Variants in DTL observed in about 807,000 individuals in gnomAD.
DTL encodes the protein denticleless E3 ubiquitin protein ligase adapter.
A neutral mutation model predicts 87.0 loss-of-function variants in DTL; 46 were observed. The ratio of observed to expected loss-of-function variants is 0.53; its 90% CI spans 0.42 to 0.68. The LOEUF is 0.68. Among genes scored for constraint, DTL ranks in the 30% least tolerant of loss-of-function variants. The pLI, the probability that DTL is intolerant of heterozygous loss-of-function variation, is 0.00. For missense variants in DTL, 737 were observed against 869.4 expected (o/e 0.85, Z 1.91); for synonymous variants, 308 against 311.2 (o/e 0.99, Z 0.11).
chr1:212,093,569 T>A (rs569097641), intron 13 of DTL, among the ~76,000 whole-genome samples: 1 of 152,344 alleles, frequency 6.6e-6, no homozygotes, highest in East Asian at 1.9e-4. Context: ...CTCCTCCGAC[T>A]GCCCCGACCA....
In DTL at chr1:212,035,917, G is replaced by T. The variant is rs1199549446; in HGVS notation, c.27G>T (p.Gln9His). The change falls in exon 1 of 15, where the codon CAG (glutamine) becomes CAT (histidine). Residue 9 changes from glutamine to histidine, a missense_variant. Gln to His is a conservative substitution (Grantham distance 24). Coordinates refer to ENST00000366991, the MANE Select transcript of DTL (RefSeq NM_016448.4). MLFNSVLR[Q>H]PQLGVLRNGW... is the part of the protein sequence containing the mutation. ...TGCTCTTCAATTCGGTGCTCCGCCA[G>T]CCCCAGCTTGGCGTCCTGAGAAATG... 6.2e-7 allele frequency: 1 copy of T among 1,614,164 alleles called. No individual in the cohort carries two copies. The highest frequency in any genetic ancestry group is 8.5e-7 in the Non-Finnish European group (1 of 1,180,020).
intron 7 of DTL, among the ~76,000 whole-genome samples, chr1:212,065,984 G>A (rs769037545): frequency 6.6e-6 from 1 of 152,126 alleles, no homozygotes; most frequent in African/African-American, 2.4e-5. Flanking sequence ...GAGCCACCAC[G>A]CCTGGCCAGC....
chr1:212,039,323 G>T (rs192120052), intron 1 of DTL, among the ~76,000 whole-genome samples: 3 of 152,178 alleles, frequency 2.0e-5, no homozygotes, highest in African/African-American at 7.2e-5. Context: ...CTTTATTGAA[G>T]GAATTATTTA....
chr1:212,049,380 CTT>C (rs1309223722), intron 5 of DTL, among the ~76,000 whole-genome samples: 2 of 152,296 alleles, frequency 1.3e-5, no homozygotes, highest in South Asian at 2.1e-4. Context: ...TTTCTACACT[CTT>C]GTGTCATAGT....
In DTL at chr1:212,072,345, G is replaced by T. The variant is rs1349422111; in HGVS notation, c.1035+132G>T. Reference sequence around the variant, plus strand: ...CTGCATCAGATATTTAGTAAAGGTTGCTCTTGGCTCTTAATATAGCTGAAA... The same window carrying T: ...CTGCATCAGATATTTAGTAAAGGTTTCTCTTGGCTCTTAATATAGCTGAAA... On this transcript the variant is annotated intron_variant, in intron 11 of 14. Transcript: ENST00000366991. The T allele has an allele frequency of 2.9e-5, 20 of 684,694 alleles. No homozygotes were observed. In the Admixed American group the frequency reaches 3.7e-4, roughly 13 times the overall value. 42.4% of individuals were successfully genotyped at this position (684,694 alleles called of 1,614,324 possible). A position where few individuals can be genotyped will look rare whatever the true frequency, so the allele number is the denominator to read the frequency against.
At chr1:212,067,971 G>T (rs565384619) in intron 8 of DTL, among the ~76,000 whole-genome samples, 2 of 152,054 alleles carry the variant, frequency 1.3e-5, no homozygotes, top group Non-Finnish European at 2.9e-5. Context: ...TTCCTTTTCC[G>T]TTCTCTTAGA....
intron 13 of DTL, among the ~76,000 whole-genome samples, chr1:212,091,590 G>T (rs1571980252): frequency 6.6e-6 from 1 of 152,118 alleles, no homozygotes; most frequent in African/African-American, 2.4e-5. Context: ...TATACACAAT[G>T]GACTACTATT....
intron 5 of DTL, among the ~76,000 whole-genome samples, chr1:212,059,377 A>G (rs1668270952): frequency 6.6e-6 from 1 of 152,022 alleles, no homozygotes; most frequent in Admixed American, 6.6e-5. Context: ...AGACAAATCA[A>G]TAAACATGAT....
chr1:212,043,222 G>T, intron 2 of DTL, 104 bp downstream of exon 2: 1 of 1,209,110 alleles, frequency 8.3e-7, no homozygotes, highest in Non-Finnish European at 1.1e-6. Flanking sequence ...AAGTAAATTA[G>T]GTGGATGTTA....
At position 212,044,980 on chromosome 1, in the gene DTL, A is replaced by G. The variant is rs140258076; in HGVS notation, c.277+222A>G. Among the ~76,000 whole-genome samples, 34 of 152,342 alleles carry G rather than the reference A, an allele frequency of 2.2e-4. 1 individual carries two copies. The highest frequency in any genetic ancestry group is 7.9e-4 in the African/African-American group (33 of 41,580). On this transcript the variant is annotated intron_variant, in intron 3 of 14. Coordinates refer to ENST00000366991, the MANE Select transcript of DTL (RefSeq NM_016448.4). ...GCCTCAGGCTGCCCCCACTCCTGGC[A>G]GAAGGCAAAGAGGAGCCCATGAATA...
At chr1:212,066,397 G>T (rs1400310806) in intron 7 of DTL, among the ~76,000 whole-genome samples, 2 of 152,044 alleles carry the variant, frequency 1.3e-5, no homozygotes, top group Non-Finnish European at 2.9e-5. Flanking sequence ...CTTTTTCAGG[G>T]CATGAAATAA....
intron 5 of DTL, among the ~76,000 whole-genome samples, chr1:212,047,743 C>T (rs529950629): frequency 4.0e-4 from 61 of 152,272 alleles, no homozygotes; most frequent in African/African-American, 1.4e-3. Flanking sequence ...ACCATGTTGG[C>T]CAGGCTGGTC....
At chr1:212,056,687 A>G (rs552980179) in intron 5 of DTL, among the ~76,000 whole-genome samples, 1 of 152,304 alleles carries the variant, frequency 6.6e-6, no homozygotes, top group Admixed American at 6.5e-5. Context: ...GATCCAACAT[A>G]CTGATACTAA....
rs1391290920 is a variant in DTL, at chr1:212,103,121, A to G, written c.*181A>G. On this transcript the variant is annotated 3_prime_UTR_variant, in exon 15 of 15. Transcript: ENST00000366991. ...ATGTACCTAATCTGGTTCTACTACC[A>G]TAATGTATATGCAGCTTCCCGAGGA... 6.9e-6 allele frequency: 3 copies of G among 437,010 alleles called. No homozygotes were observed. The highest frequency in any genetic ancestry group is 4.1e-5 in the Admixed American group (1 of 24,208). 27.1% of individuals were successfully genotyped at this position (437,010 alleles called of 1,614,324 possible). A position where few individuals can be genotyped will look rare whatever the true frequency, so the allele number is the denominator to read the frequency against.
At chr1:212,089,753 A>G (rs1483488572) in intron 13 of DTL, among the ~76,000 whole-genome samples, 1 of 152,344 alleles carries the variant, frequency 6.6e-6, no homozygotes, top group East Asian at 1.9e-4. Context: ...GAAATGCCCC[A>G]ACTTTCCAAC....
chr1:212,102,723 G>A (rs1655659998), intron 14 of DTL, 119 bp from the exon 15 acceptor site: 1 of 656,686 alleles, frequency 1.5e-6, no homozygotes, highest in Admixed American at 2.8e-5. Flanking sequence ...AGTATTTGGA[G>A]CTGAAAGCAG....
At chr1:212,082,850 G>A (rs1216137293) in intron 13 of DTL, among the ~76,000 whole-genome samples, 4 of 152,206 alleles carry the variant, frequency 2.6e-5, no homozygotes, top group Admixed American at 2.6e-4. Context: ...GGCTTCAAGA[G>A]TCAACTTGAG....
rs1014784834 is a variant in DTL at position 212,043,440 on chromosome 1, T to C, written c.178+322T>C. Among the ~76,000 whole-genome samples the C allele has an allele frequency of 3.4e-4, 52 of 152,196 alleles. 1 individual carries two copies. The highest frequency in any genetic ancestry group is 3.3e-4 in the Admixed American group (5 of 15,284). The stretch of plus-strand genomic sequence containing the variant: ...ATACATACCCTTTGATCTGGTTGAA[T>C]GTATCTTTCTGTGACTCATTGGGGA... On this transcript the variant is annotated intron_variant, in intron 2 of 14. Transcript: ENST00000366991.
chr1:212,052,858 C>T (rs1216253795), intron 5 of DTL, among the ~76,000 whole-genome samples: 4 of 151,894 alleles, frequency 2.6e-5, no homozygotes, highest in Admixed American at 2.6e-4. Flanking sequence ...TAAAATTCAT[C>T]CATTTAAAGT....
Sources: gnomAD v4.1 joint callset for allele counts (sites outside exome capture counted in the v4.1 genomes callset) on GRCh38, gnomAD v4.1.1 for gene constraint, MANE v1.5 for transcripts, NCBI Gene and HGNC (gene_info 2026-07-23, HGNC 2026-07-21) for gene names.